Variants in DEPTOR observed in about 807,000 individuals in gnomAD.
DEPTOR encodes the protein DEP domain containing MTOR interacting protein, also known as DEP domain-containing mTOR-interacting protein.
A neutral mutation model predicts 41.6 loss-of-function variants in DEPTOR; 41 were observed. The observed-to-expected ratio is 0.98, with a 90% CI of 0.77 to 1.28. The LOEUF (loss-of-function observed/expected upper bound fraction) is 1.28, where lower values mean the gene tolerates loss of function less well. Among genes scored for constraint, DEPTOR ranks in the 50% most tolerant of loss-of-function variants. The pLI, the probability that DEPTOR is intolerant of heterozygous loss-of-function variation, is 0.00. For synonymous variants in DEPTOR, 195 were observed against 192.3 expected, an observed-to-expected ratio of 1.01 and a Z score of -0.12; for missense variants, 514 against 527.9, an observed-to-expected ratio of 0.97 and a Z score of 0.26.
chr8:120,011,628 G>T (rs1812532127), intron 8 of DEPTOR, among the ~76,000 whole-genome samples: 1 of 152,142 alleles, frequency 6.6e-6, no homozygotes, highest in Non-Finnish European at 1.5e-5. Context: ...GGAAAGCAAT[G>T]AATTTATTTA....
intron 1 of DEPTOR, among the ~76,000 whole-genome samples, chr8:119,918,938 AGT>A (rs751715374): frequency 1.7e-3 from 224 of 133,082 alleles, no homozygotes; most frequent in Middle Eastern, 4.2e-3. Context: ...TTGCATAGTG[AGT>A]GTGTGTGTGT....
chr8:119,933,500 A>AC (rs35710269), intron 3 of DEPTOR, among the ~76,000 whole-genome samples: 30 of 147,058 alleles, frequency 2.0e-4, no homozygotes, highest in Admixed American at 2.0e-4. Flanking sequence ...ACACACACAC[A>AC]ATGTTTATTA....
intron 4 of DEPTOR, among the ~76,000 whole-genome samples, chr8:119,965,959 C>G (rs912006869): frequency 2.0e-5 from 3 of 152,080 alleles, no homozygotes; most frequent in South Asian, 4.1e-4. Flanking sequence ...TTTAGTCAGC[C>G]CTTTGTATCT....
chr8:120,011,839 T>C (rs1812535087), intron 8 of DEPTOR, among the ~76,000 whole-genome samples: 1 of 152,264 alleles, frequency 6.6e-6, no homozygotes, highest in South Asian at 2.1e-4. Flanking sequence ...ATGGTTTATA[T>C]GTTTAGTTTC....
At chr8:119,923,893 C>CTTTTTTTTTTTTTTTTTTGTTTTTT (rs769960283) in intron 1 of DEPTOR, among the ~76,000 whole-genome samples, 2 of 104,980 alleles carry the variant, frequency 1.9e-5, no homozygotes, top group Non-Finnish European at 4.5e-5. Flanking sequence ...TTTTTTCTTT[C>CTTTTTTTTTTTTTTTTTTGTTTTTT]TTTTTTTTTT....
At chr8:119,957,317 AG>A (rs1339759512) in intron 3 of DEPTOR, among the ~76,000 whole-genome samples, 1 of 152,206 alleles carries the variant, frequency 6.6e-6, no homozygotes. Context: ...CCACATAGAC[AG>A]GGACTCTGGT....
At chr8:119,913,847 G>A (rs577070954) in intron 1 of DEPTOR, among the ~76,000 whole-genome samples, 175 of 152,152 alleles carry the variant, frequency 1.2e-3, no homozygotes, top group African/African-American at 3.9e-3. Flanking sequence ...TTGTTCCATC[G>A]AGGCTTGGAC....
chr8:119,919,781 G>A (rs2129816915), intron 1 of DEPTOR, among the ~76,000 whole-genome samples: 1 of 152,340 alleles, frequency 6.6e-6, no homozygotes, highest in Non-Finnish European at 1.5e-5. Context: ...TACTTTGGCT[G>A]AGATTTATGA....
intron 6 of DEPTOR, among the ~76,000 whole-genome samples, chr8:120,003,859 T>C (rs1160936407): frequency 6.6e-6 from 1 of 152,182 alleles, no homozygotes. Flanking sequence ...TGGTAATCCA[T>C]TGAAACTACC....
At chr8:119,911,611 CCT>C (rs1449022740) in intron 1 of DEPTOR, among the ~76,000 whole-genome samples, 2 of 152,174 alleles carry the variant, frequency 1.3e-5, no homozygotes, top group Admixed American at 1.3e-4. Context: ...AGCCACCGTG[CCT>C]GGCCCCTGCT....
chr8:119,884,862 G>T (rs890100381), intron 1 of DEPTOR, among the ~76,000 whole-genome samples: 1 of 151,066 alleles, frequency 6.6e-6, no homozygotes, highest in African/African-American at 2.5e-5. Context: ...TGCAACCTCC[G>T]CTTCTAAGGT....
chr8:120,005,087 G>A (rs1237051288), intron 6 of DEPTOR, among the ~76,000 whole-genome samples: 1 of 152,150 alleles, frequency 6.6e-6, no homozygotes, highest in Non-Finnish European at 1.5e-5. Flanking sequence ...AAAGAGAAGT[G>A]CATTAAAATG....
intron 6 of DEPTOR, among the ~76,000 whole-genome samples, chr8:120,005,773 G>C (rs185243947): frequency 1.3e-5 from 2 of 152,274 alleles, no homozygotes; most frequent in Admixed American, 1.3e-4. Context: ...ATTATCGGTG[G>C]GTTTTAGGCA....
At chr8:119,897,322 C>T (rs566624867) in intron 1 of DEPTOR, among the ~76,000 whole-genome samples, 7 of 152,242 alleles carry the variant, frequency 4.6e-5, no homozygotes, top group Admixed American at 4.6e-4. Flanking sequence ...ATCACGAAGT[C>T]AGGAGTTCGA....
chr8:119,940,174 A>G (rs111973203), intron 3 of DEPTOR, among the ~76,000 whole-genome samples: 2,377 of 151,992 alleles, frequency 0.016, 64 homozygotes, highest in African/African-American at 0.055. Context: ...CCAAGATGGC[A>G]CCATTACACT....
At chr8:119,890,985 G>C (rs1827445127) in intron 1 of DEPTOR, 1 of 152,158 alleles carries the variant, frequency 6.6e-6, no homozygotes, top group African/African-American at 2.4e-5. Context: ...GCAATATATA[G>C]AATGGTTTAA....
intron 8 of DEPTOR, among the ~76,000 whole-genome samples, chr8:120,038,268 C>A (rs79515758): frequency 2.5e-3 from 288 of 116,330 alleles, no homozygotes; most frequent in South Asian, 3.3e-3. Context: ...GAGTCTGTCT[C>A]AAAAAAAAAA....
intron 8 of DEPTOR, among the ~76,000 whole-genome samples, chr8:120,040,015 T>G (rs1813037085): frequency 6.6e-6 from 1 of 151,988 alleles, no homozygotes; most frequent in Admixed American, 6.5e-5. Flanking sequence ...GGCTAATTTT[T>G]GTATTCTTAG....
chr8:119,985,910 C>T (rs2130033775), intron 4 of DEPTOR, among the ~76,000 whole-genome samples: 1 of 114,240 alleles, frequency 8.8e-6, no homozygotes, highest in African/African-American at 3.3e-5. Flanking sequence ...TTATTTTGAG[C>T]CTATGTGTGT....
Sources: allele counts gnomAD v4.1 joint callset (sites outside exome capture counted in the v4.1 genomes callset), GRCh38; gene constraint gnomAD v4.1.1; transcripts MANE v1.5; gene names NCBI Gene and HGNC (gene_info 2026-07-23, HGNC 2026-07-21).